The following ARL11 variants were observed in gnomAD, a reference collection of about 807,000 sequenced individuals.
The protein encoded by ARL11 is ARF like GTPase 11, also known as ADP-ribosylation factor-like protein 11.
For missense variants in ARL11, 239 were observed against 250.6 expected, an observed-to-expected ratio of 0.95 and a Z score of 0.31; for synonymous variants, 91 against 111.2, an observed-to-expected ratio of 0.82 and a Z score of 1.15.
At position 49,633,844 on chromosome 13, in the gene ARL11, C is replaced by G. The variant is rs1161753745; in HGVS notation, c.*2806C>G. The G allele has an allele frequency of 6.0e-6, 1 of 167,054 alleles. No homozygotes were observed. The highest frequency in any genetic ancestry group is 2.4e-5 in the African/African-American group (1 of 41,444). The allele number at this position is 167,054 out of a possible 1,614,324, so 10.3% of individuals were successfully genotyped here. A position where few individuals can be genotyped will look rare whatever the true frequency, so the allele number is the denominator to read the frequency against. Reference sequence around the variant, plus strand: ...TCCATTATCTGTACTCCCAACAACCCTGCCGGATATATTTGTTGGCTTTCA... The same window carrying G: ...TCCATTATCTGTACTCCCAACAACCGTGCCGGATATATTTGTTGGCTTTCA... On this transcript the variant is annotated 3_prime_UTR_variant, in exon 2 of 2. Coordinates refer to ENST00000282026, the MANE Select transcript of ARL11 (RefSeq NM_138450.6).
rs371976896 is a variant in ARL11, at chr13:49,630,513, G to A, written c.66G>A (p.Ser22=). 1.7e-5 allele frequency: 27 copies of A among 1,613,820 alleles called. No homozygotes were observed. Among genetic ancestry groups the A allele is most frequent in the South Asian group, 1.5e-4 (14 of 91,082 alleles). Residue 22 remains serine (S), a synonymous_variant, in exon 2 of 2, where the codon TCG becomes TCA. Coordinates refer to ENST00000282026, the MANE Select transcript of ARL11 (RefSeq NM_138450.6). ...EAQVVMMGLD[S]AGKTTLLYKL... ...AGGTGGTGATGATGGGCCTGGACTC[G>A]GCGGGCAAGACCACGCTCCTTTACA... is the stretch of plus-strand genomic sequence containing the variant.
rs1964890175 is a variant in ARL11, at chr13:49,631,755, T to G, written c.*717T>G. 1 of 166,128 alleles carries G rather than the reference T, an allele frequency of 6.0e-6. No individual in the cohort carries two copies. The highest frequency in any genetic ancestry group is 1.5e-5 in the Non-Finnish European group (1 of 68,134). The allele number at this position is 166,128 out of a possible 1,614,324, so 10.3% of individuals were successfully genotyped here. A position where few individuals can be genotyped will look rare whatever the true frequency, so the allele number is the denominator to read the frequency against. On this transcript the variant is annotated 3_prime_UTR_variant, in exon 2 of 2. Transcript: ENST00000282026. ...AGGAGGTTGAGGCAGAAGAATCGCT[T>G]GAACCCAGGAAGTGGAGGTTGCAGT...
intron 1 of ARL11, among the ~76,000 whole-genome samples, 160 bp downstream of exon 1, chr13:49,628,775 T>C (rs1427498381): frequency 3.3e-5 from 5 of 152,178 alleles, no homozygotes; most frequent in Non-Finnish European, 7.4e-5. Context: ...ACAGGTCTTA[T>C]GTCTTAAAAT....
Position 49,631,004 on chromosome 13 carries a change from A to G in ARL11, c.557A>G (p.His186Arg), listed in dbSNP as rs114223009. The change falls in exon 2 of 2, where the codon CAT becomes CGT. Residue 186 changes from histidine (H) to arginine (R), a missense_variant. By Grantham distance (29) the His-to-Arg change is conservative (BLOSUM62 0). Transcript: ENST00000282026. ...RSCMCLQARA[H>R]GAERGDSKRS ...TGCATGTGTCTGCAGGCGAGAGCCC[A>G]TGGGGCTGAGCGCGGAGACAGCAAG... is the stretch of plus-strand genomic sequence containing the variant. The G allele has an allele frequency of 7.2e-4, 1,160 of 1,602,874 alleles. 5 individuals carry two copies. In the African/African-American group the frequency reaches 0.012, roughly 17 times the overall value.
At position 49,630,934 on chromosome 13, in the gene ARL11, C is replaced by A; in HGVS notation, c.487C>A (p.Pro163Thr). The change falls in exon 2 of 2, where the codon CCC (proline) becomes ACC (threonine). Residue 163 changes from proline (P) to threonine (T), a missense_variant. Pro to Thr is a conservative substitution (Grantham distance 38, BLOSUM62 -1). Coordinates refer to ENST00000282026, the MANE Select transcript of ARL11 (RefSeq NM_138450.6). ...GCSALTGEGL[P>T]EALQSLWSLL... is the part of the protein sequence containing the mutation. ...CAGTGCCCTCACTGGGGAGGGGCTGCCCGAGGCCCTGCAGAGCCTGTGGAG... is the reference window on the plus strand; with the variant it reads ...CAGTGCCCTCACTGGGGAGGGGCTGACCGAGGCCCTGCAGAGCCTGTGGAG... 1.2e-6 allele frequency: 2 copies of A among 1,604,788 alleles called. No homozygotes were observed. The highest frequency in any genetic ancestry group is 1.3e-5 in the African/African-American group (1 of 74,822).
chr13:49,632,216 TTTTA>T lies in ARL11; in HGVS notation c.*1185_*1188del, dbSNP rs1295544434. 2 of 166,996 alleles carry T rather than the reference TTTTA, an allele frequency of 1.2e-5. No homozygotes were observed. Among genetic ancestry groups the T allele is most frequent in the African/African-American group, 4.8e-5 (2 of 41,450 alleles). The allele number at this position is 166,996 out of a possible 1,614,324, so 10.3% of individuals were successfully genotyped here. On this transcript the variant is annotated 3_prime_UTR_variant, in exon 2 of 2. Transcript: ENST00000282026. ...CGTTAAAGATCAGATCAATAAAATA[TTTTA>T]TTTATTCATTAATTTAACAAAAAAA... is the stretch of plus-strand genomic sequence containing the variant.
In ARL11 at chr13:49,630,728, C is replaced by A; in HGVS notation, c.281C>A (p.Ala94Asp). ...TACGTGCTGGACAGCACAGATGAAG[C>A]CCGCTTACCCGAGTCGGCGGCTGAG... ...LVYVLDSTDE[A>D]RLPESAAELT... The change falls in exon 2 of 2, where the codon GCC becomes GAC. Residue 94 changes from alanine to aspartate, a missense_variant. Ala to Asp is a moderately radical substitution (Grantham distance 126, BLOSUM62 -2). Transcript: ENST00000282026. 1.2e-6 allele frequency: 2 copies of A among 1,614,154 alleles called. No homozygotes were observed. The highest frequency in any genetic ancestry group is 2.2e-5 in the East Asian group (1 of 44,880).
At chr13:49,629,611 A>G (rs528551657) in intron 1 of ARL11, among the ~76,000 whole-genome samples, 8 of 152,348 alleles carry the variant, frequency 5.3e-5, no homozygotes, top group Non-Finnish European at 1.0e-4. Flanking sequence ...AGTACCCATT[A>G]CAGGAATGCT....
At position 49,633,341 on chromosome 13, in the gene ARL11, G is replaced by A. The variant is rs193282465; in HGVS notation, c.*2303G>A. The A allele has an allele frequency of 6.0e-6, 1 of 167,216 alleles. No homozygotes were observed. Among genetic ancestry groups the A allele is most frequent in the East Asian group, 1.9e-4 (1 of 5,188 alleles). 10.4% of individuals were successfully genotyped at this position (167,216 alleles called of 1,614,324 possible). On this transcript the variant is annotated 3_prime_UTR_variant, in exon 2 of 2. Coordinates refer to ENST00000282026, the MANE Select transcript of ARL11 (RefSeq NM_138450.6). ...AGTAAGTCAGTGTACTTGCAACAGA[G>A]GCTTGGGATGAAGGGTGGGTGAAGT...
rs147389782 is a variant in ARL11, at chr13:49,630,512, C to T, written c.65C>T (p.Ser22Leu). Residue 22 changes from serine to leucine, a missense_variant, in exon 2 of 2, where the codon TCG becomes TTG. Ser to Leu is a moderately radical substitution (Grantham distance 145). Coordinates refer to ENST00000282026, the MANE Select transcript of ARL11 (RefSeq NM_138450.6). ...CAGGTGGTGATGATGGGCCTGGACT[C>T]GGCGGGCAAGACCACGCTCCTTTAC... ...EAQVVMMGLD[S>L]AGKTTLLYKL... 2.4e-4 allele frequency: 388 copies of T among 1,613,954 alleles called. No individual in the cohort carries two copies. The highest frequency in any genetic ancestry group is 8.8e-4 in the African/African-American group (66 of 75,038).
rs1964906802 is a variant in ARL11, at chr13:49,633,657, T to C, written c.*2619T>C. The C allele has an allele frequency of 6.0e-6, 1 of 166,886 alleles. No individual in the cohort carries two copies. The highest frequency in any genetic ancestry group is 1.5e-5 in the Non-Finnish European group (1 of 68,112). 10.3% of individuals were successfully genotyped at this position (166,886 alleles called of 1,614,324 possible). The stretch of plus-strand genomic sequence containing the variant: ...GAAAAACAGTTGAGAGAGGAAGAAT[T>C]TGAAGAGGGCTCAAGATTTTGAGTC... On this transcript the variant is annotated 3_prime_UTR_variant, in exon 2 of 2. Coordinates refer to ENST00000282026, the MANE Select transcript of ARL11 (RefSeq NM_138450.6).
At chr13:49,628,920 G>A (rs570955140) in intron 1 of ARL11, among the ~76,000 whole-genome samples, 3 of 152,320 alleles carry the variant, frequency 2.0e-5, no homozygotes, top group Non-Finnish European at 1.5e-5. Context: ...GTGAAACCTC[G>A]TCTCTAATAT....
At chr13:49,629,608 A>G (rs921840798) in intron 1 of ARL11, among the ~76,000 whole-genome samples, 1 of 152,192 alleles carries the variant, frequency 6.6e-6, no homozygotes, top group Non-Finnish European at 1.5e-5. Flanking sequence ...TACAGTACCC[A>G]TTACAGGAAT....
At chr13:49,629,643 G>A (rs1964860443) in intron 1 of ARL11, among the ~76,000 whole-genome samples, 1 of 152,180 alleles carries the variant, frequency 6.6e-6, no homozygotes, top group African/African-American at 2.4e-5. Context: ...TAGCCCAGGA[G>A]CAATGGGCCA....
Position 49,630,641 on chromosome 13 carries a change from G to A in ARL11, c.194G>A (p.Gly65Glu), listed in dbSNP as rs117251022. 1.9e-6 allele frequency: 3 copies of A among 1,614,134 alleles called. No individual in the cohort carries two copies. Among genetic ancestry groups the A allele is most frequent in the East Asian group, 2.2e-5 (1 of 44,876 alleles). ...GHVSLTLWDV[G>E]GQAPLRASWK... ...GTGTCACTGACTCTCTGGGACGTTGGGGGGCAGGCCCCGCTCAGAGCCAGC... is the reference window on the plus strand; with the variant it reads ...GTGTCACTGACTCTCTGGGACGTTGAGGGGCAGGCCCCGCTCAGAGCCAGC... The change falls in exon 2 of 2, where the codon GGG becomes GAG. Residue 65 changes from glycine to glutamate, a missense_variant. By Grantham distance (98) the Gly-to-Glu change is moderately conservative. Transcript: ENST00000282026.
In ARL11 at chr13:49,630,819, G is replaced by A. The variant is rs1304748794; in HGVS notation, c.372G>A (p.Gln124=). 6.2e-7 allele frequency: 1 copy of A among 1,608,588 alleles called. No individual in the cohort carries two copies. The highest frequency in any genetic ancestry group is 8.5e-7 in the Non-Finnish European group (1 of 1,176,050). ...CCTTCTTGGTGCTGGCCAACAAGCA[G>A]GAGGCACCTGATGCACTTCCGCTGC... The part of the protein sequence containing the change: ...GVPFLVLANK[Q]EAPDALPLLK... Residue 124 remains glutamine (Q), a synonymous_variant, in exon 2 of 2, where the codon CAG becomes CAA. Coordinates refer to ENST00000282026, the MANE Select transcript of ARL11 (RefSeq NM_138450.6).
rs1964887146 is a variant in ARL11, at chr13:49,631,513, G to A, written c.*475G>A. On this transcript the variant is annotated 3_prime_UTR_variant, in exon 2 of 2. Transcript: ENST00000282026. Reference sequence around the variant, plus strand: ...TGAAGCAATATGTCATAATAGAGTAGCCACTGGTTGCATAATAATAGAGAC... The same window carrying A: ...TGAAGCAATATGTCATAATAGAGTAACCACTGGTTGCATAATAATAGAGAC... 5.4e-5 allele frequency: 9 copies of A among 167,218 alleles called. No individual in the cohort carries two copies. The allele number at this position is 167,218 out of a possible 1,614,324, so 10.4% of individuals were successfully genotyped here.
At chr13:49,630,203 G>A (rs886679918) in intron 1 of ARL11, 13 of 430,892 alleles carry the variant, frequency 3.0e-5, no homozygotes, top group Non-Finnish European at 4.2e-5. Flanking sequence ...AAACTCTTCC[G>A]TTGTTTGCCT....
Position 49,630,411 on chromosome 13 carries a change from C to CAGAGCCAG in ARL11, c.-18-19_-18-18insAGAGCCAG. 1 of 1,526,692 alleles carries CAGAGCCAG rather than the reference C, an allele frequency of 6.6e-7. No homozygotes were observed. Among genetic ancestry groups the CAGAGCCAG allele is most frequent in the Non-Finnish European group, 9.0e-7 (1 of 1,114,650 alleles). The allele number at this position is 1,526,692 out of a possible 1,614,324, so 94.6% of individuals were successfully genotyped here. A position where few individuals can be genotyped will look rare whatever the true frequency, so the allele number is the denominator to read the frequency against. On this transcript the variant is annotated intron_variant, in intron 1 of 1. Transcript: ENST00000282026. The stretch of plus-strand genomic sequence containing the variant: ...TCAGAAGACAGTAGCTGATGTGTGC[C>CAGAGCCAG]CTGGCCTTTCTCCCCTAGGATTCAG...
Sources: allele counts gnomAD v4.1 joint callset (sites outside exome capture counted in the v4.1 genomes callset), GRCh38; gene constraint gnomAD v4.1.1; transcripts MANE v1.5; gene names NCBI Gene and HGNC (gene_info 2026-07-23, HGNC 2026-07-21).